CNTN1: variants seen among roughly 807,000 people sequenced by gnomAD.
CNTN1 encodes contactin 1, also known as contactin-1.
In CNTN1, 38 loss-of-function variants were observed where a neutral mutation model predicts 126.4. The ratio of observed to expected loss-of-function variants is 0.30; its 90% CI spans 0.23 to 0.39. CNTN1 has a LOEUF of 0.39. Among genes scored for constraint, CNTN1 ranks in the 10% least tolerant of loss-of-function variants. CNTN1 has a pLI of 1.00. For missense variants in CNTN1, 1,009 were observed against 1,248.4 expected (o/e 0.81, Z 2.89); for synonymous variants, 413 against 422.6 (o/e 0.98, Z 0.28).
At chr12:40,862,333 G>A (rs1226992769) in intron 1 of CNTN1, among the ~76,000 whole-genome samples, 3 of 152,040 alleles carry the variant, frequency 2.0e-5, no homozygotes, top group Non-Finnish European at 2.9e-5. Context: ...TCTTTCTGCT[G>A]TGCAGCCCAG....
intron 1 of CNTN1, among the ~76,000 whole-genome samples, chr12:40,786,936 T>C: frequency 6.6e-6 from 1 of 152,160 alleles, no homozygotes; most frequent in Non-Finnish European, 1.5e-5. Flanking sequence ...AAATTCAGTT[T>C]AGCACTTCTA....
chr12:40,777,320 C>A (rs1196850829), intron 1 of CNTN1, among the ~76,000 whole-genome samples: 2 of 150,856 alleles, frequency 1.3e-5, no homozygotes, highest in Non-Finnish European at 1.5e-5. Context: ...ATATATGAAA[C>A]CTTTCTGTGT....
intron 16 of CNTN1, among the ~76,000 whole-genome samples, chr12:40,992,291 T>A (rs1448616097): frequency 1.3e-5 from 2 of 152,170 alleles, no homozygotes; most frequent in African/African-American, 2.4e-5. Context: ...GGACACGTCA[T>A]CTTTAAAAAT....
intron 23 of CNTN1, among the ~76,000 whole-genome samples, chr12:41,052,741 C>T (rs1168592879): frequency 1.3e-5 from 2 of 151,978 alleles, no homozygotes; most frequent in Non-Finnish European, 2.9e-5. Context: ...TAGATAAATA[C>T]TGTTGGATTA....
chr12:40,811,706 C>A (rs1396391920), intron 1 of CNTN1, among the ~76,000 whole-genome samples: 1 of 151,532 alleles, frequency 6.6e-6, no homozygotes, highest in East Asian at 1.9e-4. Context: ...TTCATAGTAG[C>A]CTCTTAGAAT....
intron 1 of CNTN1, among the ~76,000 whole-genome samples, chr12:40,898,596 T>C (rs932017114): frequency 1.3e-5 from 2 of 152,156 alleles, no homozygotes; most frequent in African/African-American, 4.8e-5. Context: ...AATTTTGGTA[T>C]GAATCACTTA....
At chr12:41,050,966 A>T (rs1949661864) in intron 23 of CNTN1, among the ~76,000 whole-genome samples, 1 of 151,942 alleles carries the variant, frequency 6.6e-6, no homozygotes, top group Non-Finnish European at 1.5e-5. Flanking sequence ...GAGATTTCAG[A>T]TTTTCCCACC....
chr12:41,067,884 G>C (rs1415799672), intron 23 of CNTN1, among the ~76,000 whole-genome samples: 1 of 152,014 alleles, frequency 6.6e-6, no homozygotes, highest in Non-Finnish European at 1.5e-5. Context: ...AATAATGTGT[G>C]GTCTGTGGCA....
intron 1 of CNTN1, among the ~76,000 whole-genome samples, chr12:40,795,403 A>T (rs1043150463): frequency 4.6e-5 from 7 of 151,236 alleles, no homozygotes; most frequent in African/African-American, 1.7e-4. Context: ...TGCGACACAC[A>T]CATTTTATTA....
At chr12:40,921,655 C>G (rs1416709382) in intron 4 of CNTN1, among the ~76,000 whole-genome samples, 1 of 152,116 alleles carries the variant, frequency 6.6e-6, no homozygotes, top group African/African-American at 2.4e-5. Flanking sequence ...ACCACTAACT[C>G]TAGGCTGAGG....
At chr12:40,882,006 G>T (rs1943885895) in intron 1 of CNTN1, among the ~76,000 whole-genome samples, 2 of 149,100 alleles carry the variant, frequency 1.3e-5, no homozygotes, top group South Asian at 2.1e-4. Flanking sequence ...TTAAAAAATT[G>T]GTTTCTTTGG....
At chr12:40,853,032 G>C (rs1392306277) in intron 1 of CNTN1, among the ~76,000 whole-genome samples, 4 of 151,740 alleles carry the variant, frequency 2.6e-5, no homozygotes, top group African/African-American at 7.3e-5. Flanking sequence ...ACATTATCCT[G>C]TCTTCAAACT....
chr12:40,797,472 CCCAGGG>C (rs1940481152), intron 1 of CNTN1, among the ~76,000 whole-genome samples: 1 of 151,824 alleles, frequency 6.6e-6, no homozygotes, highest in African/African-American at 2.4e-5. Context: ...TGGGAGAGTG[CCCAGGG>C]TGACTGGAAT....
chr12:40,990,671 G>T (rs572966761), intron 16 of CNTN1, among the ~76,000 whole-genome samples: 11 of 152,032 alleles, frequency 7.2e-5, no homozygotes, highest in Non-Finnish European at 1.3e-4. Context: ...CTTTTTATAT[G>T]CACTCAAAAT....
chr12:40,909,332 T>C (rs1311025435), intron 2 of CNTN1, among the ~76,000 whole-genome samples: 1 of 151,968 alleles, frequency 6.6e-6, no homozygotes, highest in Non-Finnish European at 1.5e-5. Flanking sequence ...ACCCAACTAG[T>C]ACTTATTGAG....
chr12:40,893,262 A>C (rs1460432835), intron 1 of CNTN1, among the ~76,000 whole-genome samples: 1 of 152,070 alleles, frequency 6.6e-6, no homozygotes, highest in Non-Finnish European at 1.5e-5. Context: ...TGATAGTTTA[A>C]AATTTAAGAA....
intron 17 of CNTN1, 70 bp downstream of exon 17, chr12:40,993,339 A>C: frequency 1.5e-6 from 2 of 1,302,864 alleles, no homozygotes; most frequent in Non-Finnish European, 2.2e-6. Context: ...TATATGGTTG[A>C]ATGTATTTGA....
At chr12:40,912,643 A>T (rs1205443436) in intron 3 of CNTN1, among the ~76,000 whole-genome samples, 2 of 152,168 alleles carry the variant, frequency 1.3e-5, no homozygotes, top group Admixed American at 6.5e-5. Flanking sequence ...TTAAAAAAAA[A>T]AACTATCTTC....
Position 40,922,395 on chromosome 12 carries a change from G to T in CNTN1, c.367G>T (p.Val123Phe). The stretch of plus-strand genomic sequence containing the variant: ...TTTAGCATCTAATAACTACGGGATG[G>T]TCAGAAGCACTGAAGCAACCCTGAG... Reference protein sequence around the residue: ...YCLASNNYGMVRSTEATLSFG... With the variant: ...YCLASNNYGMFRSTEATLSFG... The change falls in exon 5 of 24, where the codon GTC (valine) becomes TTC (phenylalanine). Residue 123 changes from valine (V) to phenylalanine (F), a missense_variant. Physicochemically the swap from Val to Phe is conservative, Grantham distance 50. Coordinates refer to ENST00000551295, the MANE Select transcript of CNTN1 (RefSeq NM_001843.4). The T allele has an allele frequency of 6.2e-7, 1 of 1,614,036 alleles. No individual in the cohort carries two copies. Among genetic ancestry groups the T allele is most frequent in the Non-Finnish European group, 8.5e-7 (1 of 1,179,938 alleles).
Sources: gnomAD v4.1 joint callset for allele counts (sites outside exome capture counted in the v4.1 genomes callset) on GRCh38, gnomAD v4.1.1 for gene constraint, MANE v1.5 for transcripts, NCBI Gene and HGNC (gene_info 2026-07-23, HGNC 2026-07-21) for gene names.